Variants in CSTPP1 observed in about 807,000 individuals in gnomAD.
The protein encoded by CSTPP1 is centriolar satellite-associated tubulin polyglutamylase complex regulator 1, also known as UPF0705 protein C11orf49.
the CSTPP1 span, among the ~76,000 whole-genome samples, chr11:47,071,855 G>A: frequency 9.2e-5 from 14 of 152,334 alleles, no homozygotes; most frequent in African/African-American, 3.4e-4. Flanking sequence ...AGGACTATTT[G>A]CTGTTTGTTT....
chr11:47,118,369 T>C, the CSTPP1 span, among the ~76,000 whole-genome samples: 1 of 152,150 alleles, frequency 6.6e-6, no homozygotes, highest in Non-Finnish European at 1.5e-5. Context: ...TTTCAAGGTT[T>C]TTAGCTTCCT....
chr11:47,086,527 A>T, the CSTPP1 span, among the ~76,000 whole-genome samples: 1 of 152,228 alleles, frequency 6.6e-6, no homozygotes, highest in South Asian at 2.1e-4. Context: ...GGGGAAAGGA[A>T]GAAGGGAAGA....
chr11:47,140,362 T>C, the CSTPP1 span, among the ~76,000 whole-genome samples: 2 of 152,226 alleles, frequency 1.3e-5, no homozygotes, highest in African/African-American at 4.8e-5. Flanking sequence ...TGGAGTTAGC[T>C]TTAAATTTCC....
chr11:46,970,765 A>C, the CSTPP1 span, among the ~76,000 whole-genome samples: 2 of 152,158 alleles, frequency 1.3e-5, no homozygotes, highest in Non-Finnish European at 2.9e-5. Context: ...AATAAATGAC[A>C]CAAATTTATG....
the CSTPP1 span, among the ~76,000 whole-genome samples, chr11:47,111,679 C>A: frequency 6.6e-6 from 1 of 152,068 alleles, no homozygotes; most frequent in Admixed American, 6.6e-5. Context: ...CTGCGGATCA[C>A]CTAGGCCTTT....
At chr11:47,073,960 G>C in the CSTPP1 span, among the ~76,000 whole-genome samples, 77,884 of 152,116 alleles carry the variant, frequency 0.51, 23,570 homozygotes, top group Non-Finnish European at 0.67. Flanking sequence ...CTGTGCACAA[G>C]CTTGTTCTCA....
the CSTPP1 span, among the ~76,000 whole-genome samples, chr11:47,079,746 T>G: frequency 9.2e-5 from 14 of 152,290 alleles, no homozygotes; most frequent in Admixed American, 2.6e-4. Context: ...TTCTTATATA[T>G]CTCATATATT....
chr11:47,161,919 T>C, the CSTPP1 span: 1 of 1,205,284 alleles, frequency 8.3e-7, no homozygotes, highest in Non-Finnish European at 1.0e-6. Context: ...CGTAGCCTGT[T>C]AGTCCTCCTA....
chr11:47,013,832 T>C, the CSTPP1 span, among the ~76,000 whole-genome samples: 2 of 152,270 alleles, frequency 1.3e-5, no homozygotes. Flanking sequence ...CCACAATGGT[T>C]GAACTAATTT....
At chr11:46,962,770 T>C in the CSTPP1 span, among the ~76,000 whole-genome samples, 1 of 152,108 alleles carries the variant, frequency 6.6e-6, no homozygotes, top group Admixed American at 6.5e-5. Context: ...CTGGGCAACA[T>C]GGCGAAACCC....
the CSTPP1 span, among the ~76,000 whole-genome samples, chr11:46,979,373 A>G: frequency 6.6e-6 from 1 of 151,902 alleles, no homozygotes; most frequent in East Asian, 1.9e-4. Flanking sequence ...TTTTTTTTTT[A>G]CCCATGATAC....
chr11:47,051,391 T>A, the CSTPP1 span, among the ~76,000 whole-genome samples: 3 of 152,204 alleles, frequency 2.0e-5, no homozygotes, highest in African/African-American at 7.2e-5. Flanking sequence ...CCAAAGGCAA[T>A]GGAGTATATT....
At chr11:47,090,251 C>T in the CSTPP1 span, among the ~76,000 whole-genome samples, 1 of 152,148 alleles carries the variant, frequency 6.6e-6, no homozygotes, top group Admixed American at 6.5e-5. Context: ...TCCCAAAGTG[C>T]TAGGATTACA....
At chr11:47,142,045 C>A in the CSTPP1 span, among the ~76,000 whole-genome samples, 3 of 150,964 alleles carry the variant, frequency 2.0e-5, no homozygotes, top group Non-Finnish European at 2.9e-5. Flanking sequence ...GAGATCGAGA[C>A]CATCCTGGTC....
At chr11:47,140,900 AC>A in the CSTPP1 span, among the ~76,000 whole-genome samples, 1 of 151,770 alleles carries the variant, frequency 6.6e-6, no homozygotes, top group East Asian at 2.0e-4. Context: ...GGAGATGGAG[AC>A]CATCCTGGCT....
At chr11:46,946,712 A>T in the CSTPP1 span, among the ~76,000 whole-genome samples, 4 of 152,324 alleles carry the variant, frequency 2.6e-5, no homozygotes, top group East Asian at 5.8e-4. Flanking sequence ...ATGATCCATT[A>T]TCCTATTTCT....
the CSTPP1 span, among the ~76,000 whole-genome samples, chr11:47,084,020 C>T: frequency 2.0e-5 from 3 of 152,170 alleles, no homozygotes; most frequent in African/African-American, 7.2e-5. Flanking sequence ...TCTTACATTC[C>T]CACCAGCAAT....
the CSTPP1 span, among the ~76,000 whole-genome samples, chr11:47,152,656 T>C: frequency 6.6e-6 from 1 of 152,256 alleles, no homozygotes; most frequent in Non-Finnish European, 1.5e-5. Flanking sequence ...ATGGTGGCGC[T>C]ACTTTGTGAA....
the CSTPP1 span, among the ~76,000 whole-genome samples, chr11:46,958,175 A>G: frequency 3.1e-4 from 47 of 152,136 alleles, no homozygotes; most frequent in African/African-American, 9.9e-4. Context: ...TTAAATTATT[A>G]TTATTGTAGA....
Sources: gnomAD v4.1 joint callset for allele counts (sites outside exome capture counted in the v4.1 genomes callset) on GRCh38, gnomAD v4.1.1 for gene constraint, MANE v1.5 for transcripts, NCBI Gene and HGNC (gene_info 2026-07-23, HGNC 2026-07-21) for gene names.